The following SUGCT variants were observed in gnomAD, a reference collection of about 807,000 sequenced individuals.
SUGCT encodes the protein succinyl-CoA:glutarate-CoA transferase, also known as succinyl-CoA:glutarate CoA-transferase.
In SUGCT, 41 loss-of-function variants were observed where a neutral mutation model predicts 55.0. That is an observed-to-expected ratio of 0.74 (90% CI 0.58 to 0.97). SUGCT has a LOEUF of 0.97. SUGCT is among the 50% of genes least tolerant of loss of function. SUGCT has a pLI of 0.00. For synonymous variants in SUGCT, 187 were observed against 200.4 expected, an observed-to-expected ratio of 0.93 and a Z score of 0.56; for missense variants, 568 against 547.8, an observed-to-expected ratio of 1.04 and a Z score of -0.37.
At chr7:40,661,746 C>G (rs575774381) in intron 12 of SUGCT, among the ~76,000 whole-genome samples, 13 of 152,268 alleles carry the variant, frequency 8.5e-5, no homozygotes, top group African/African-American at 2.9e-4. Context: ...CATGTTTCTT[C>G]TGAAACATGG....
intron 9 of SUGCT, among the ~76,000 whole-genome samples, chr7:40,433,226 C>G (rs1277332076): frequency 6.6e-6 from 1 of 152,016 alleles, no homozygotes; most frequent in African/African-American, 2.4e-5. Context: ...CATTGAACAT[C>G]CTTGTGATGA....
At chr7:40,349,955 T>A (rs1797528135) in intron 9 of SUGCT, among the ~76,000 whole-genome samples, 1 of 152,234 alleles carries the variant, frequency 6.6e-6, no homozygotes, top group African/African-American at 2.4e-5. Flanking sequence ...CCCAAAGTGC[T>A]GGGATTACAG....
At chr7:40,389,742 C>A (rs1417101516) in intron 9 of SUGCT, among the ~76,000 whole-genome samples, 2 of 152,050 alleles carry the variant, frequency 1.3e-5, no homozygotes, top group Non-Finnish European at 2.9e-5. Flanking sequence ...AATTTCAATC[C>A]AGTTCTTTGT....
chr7:40,261,629 A>G (rs1791229100), intron 7 of SUGCT, among the ~76,000 whole-genome samples: 1 of 152,220 alleles, frequency 6.6e-6, no homozygotes, highest in African/African-American at 2.4e-5. Context: ...AAAGAGAGGT[A>G]TGAGCATCTC....
At chr7:40,780,310 A>G (rs1225181727) in intron 13 of SUGCT, among the ~76,000 whole-genome samples, 3 of 152,102 alleles carry the variant, frequency 2.0e-5, no homozygotes, top group Non-Finnish European at 4.4e-5. Flanking sequence ...TTGCTATAAT[A>G]CCCTGAGGTC....
At chr7:40,998,505 GT>G in the SUGCT span, among the ~76,000 whole-genome samples, 1 of 152,202 alleles carries the variant, frequency 6.6e-6, no homozygotes, top group Non-Finnish European at 1.5e-5. Flanking sequence ...AGCTACAAAG[GT>G]TTGTCTTATT....
At chr7:40,646,707 C>A in intron 12 of SUGCT, among the ~76,000 whole-genome samples, 1 of 152,272 alleles carries the variant, frequency 6.6e-6, no homozygotes, top group Non-Finnish European at 1.5e-5. Context: ...AGGCCTTCCC[C>A]AACTACCCAA....
Position 40,509,225 on chromosome 7 carries a change from G to A in SUGCT, c.1089+12839G>A, listed in dbSNP as rs542861843. On this transcript the variant is annotated intron_variant, in intron 12 of 13. Coordinates refer to ENST00000335693, the MANE Select transcript of SUGCT (RefSeq NM_001193313.2). ...CAACTTTATACAGTCATATTCTCAAGTTTTTCTCTCATGATCTCCCTGGTT... is the reference window on the plus strand; with the variant it reads ...CAACTTTATACAGTCATATTCTCAAATTTTTCTCTCATGATCTCCCTGGTT... Among the ~76,000 whole-genome samples the A allele has an allele frequency of 8.5e-5, 13 of 152,274 alleles. No individual in the cohort carries two copies. In the East Asian group the frequency reaches 2.5e-3, roughly 29 times the overall value.
intron 1 of SUGCT, among the ~76,000 whole-genome samples, chr7:40,179,194 T>C (rs1224627853): frequency 1.3e-5 from 2 of 152,218 alleles, no homozygotes; most frequent in Non-Finnish European, 2.9e-5. Context: ...TAAGCCATTG[T>C]ATTAATCTAT....
intron 9 of SUGCT, among the ~76,000 whole-genome samples, chr7:40,446,199 T>G (rs900657096): frequency 1.3e-5 from 2 of 152,168 alleles, no homozygotes; most frequent in Non-Finnish European, 2.9e-5. Context: ...TATGCATTTC[T>G]TTACTTATTA....
Position 40,806,772 on chromosome 7 carries a change from G to C in SUGCT, c.1154-53544G>C, listed in dbSNP as rs112885160. Among the ~76,000 whole-genome samples the C allele has an allele frequency of 2.2e-3, 334 of 152,194 alleles. 1 individual carries two copies. The highest frequency in any genetic ancestry group is 7.9e-3 in the African/African-American group (328 of 41,534). On this transcript the variant is annotated intron_variant, in intron 13 of 13. Transcript: ENST00000335693. ...TAATATTGGTACAAATGCTGGGATC[G>C]GAACCTTGGAATGAACAAATGGGGT... is the stretch of plus-strand genomic sequence containing the variant.
At chr7:40,457,413 CAGCCT>C (rs1789547892) in intron 10 of SUGCT, among the ~76,000 whole-genome samples, 1 of 152,002 alleles carries the variant, frequency 6.6e-6, no homozygotes, top group African/African-American at 2.4e-5. Context: ...CCCTGCACTC[CAGCCT>C]ACGCAGCAGT....
chr7:40,788,030 C>T (rs1182341775), intron 13 of SUGCT, among the ~76,000 whole-genome samples: 1 of 152,200 alleles, frequency 6.6e-6, no homozygotes, highest in Admixed American at 6.5e-5. Context: ...TAATAAGCCA[C>T]TCACTCTACC....
the SUGCT span, among the ~76,000 whole-genome samples, chr7:41,036,711 C>T: frequency 6.6e-6 from 1 of 152,188 alleles, no homozygotes; most frequent in Non-Finnish European, 1.5e-5. Flanking sequence ...GCTTTTCTTA[C>T]CAAATCCCCG....
intron 13 of SUGCT, among the ~76,000 whole-genome samples, chr7:40,793,546 G>A (rs1454271112): frequency 4.0e-5 from 6 of 151,854 alleles, no homozygotes; most frequent in African/African-American, 1.2e-4. Flanking sequence ...TTAAATTTTT[G>A]TCTTGGACTT....
At chr7:40,542,112 T>G (rs1170687672) in intron 12 of SUGCT, among the ~76,000 whole-genome samples, 4 of 152,178 alleles carry the variant, frequency 2.6e-5, no homozygotes, top group African/African-American at 9.7e-5. Flanking sequence ...AGAGGGTATG[T>G]GTGAAGCAAA....
chr7:40,339,600 C>T (rs1796930899), intron 9 of SUGCT, among the ~76,000 whole-genome samples: 1 of 152,132 alleles, frequency 6.6e-6, no homozygotes, highest in Admixed American at 6.5e-5. Flanking sequence ...TGGAGAAGTG[C>T]AGTATTAGGG....
chr7:40,565,290 A>T (rs1246445905), intron 12 of SUGCT, among the ~76,000 whole-genome samples: 1 of 152,168 alleles, frequency 6.6e-6, no homozygotes, highest in Non-Finnish European at 1.5e-5. Context: ...TATATTGGCC[A>T]GATTTGTTAG....
chr7:40,947,762 A>G, the SUGCT span, among the ~76,000 whole-genome samples: 40 of 152,204 alleles, frequency 2.6e-4, no homozygotes, highest in African/African-American at 9.4e-4. Flanking sequence ...AATCATTGGA[A>G]AGACATTTCC....
Sources: gnomAD v4.1 joint callset for allele counts (sites outside exome capture counted in the v4.1 genomes callset) on GRCh38, gnomAD v4.1.1 for gene constraint, MANE v1.5 for transcripts, NCBI Gene and HGNC (gene_info 2026-07-23, HGNC 2026-07-21) for gene names.